MTM1: variants seen among roughly 807,000 people sequenced by gnomAD.
The protein encoded by MTM1 is myotubularin 1.
A neutral mutation model predicts 52.1 loss-of-function variants in MTM1; 9 were observed. The ratio of observed to expected loss-of-function variants is 0.17; its 90% CI spans 0.10 to 0.30. The LOEUF (loss-of-function observed/expected upper bound fraction) is 0.30. Ranked by LOEUF, MTM1 falls within the 10% of genes least tolerant of loss-of-function variation. The pLI is 1.00. For synonymous variants in MTM1, 136 were observed against 163.8 expected (o/e 0.83, Z 1.29); for missense variants, 277 against 470.7 (o/e 0.59, Z 3.81).
At chrX:150,666,882 A>G (rs782436558) in intron 14 of MTM1, among the ~76,000 whole-genome samples, 5 of 111,118 alleles carry the variant, frequency 4.5e-5, no homozygotes, top group Non-Finnish European at 5.7e-5. Flanking sequence ...TGTCCAATCA[A>G]TCTGTCAGGA....
At chrX:150,657,690 G>A (rs928786761) in intron 10 of MTM1, 131 bp from the exon 11 acceptor site, 5 of 592,793 alleles carry the variant, frequency 8.4e-6, no homozygotes, top group African/African-American at 2.2e-5. Context: ...GCAGCTCTTA[G>A]TGTTTCCTTT....
chrX:150,658,061 C>G lies in MTM1; in HGVS notation c.1260+34C>G, dbSNP rs782704543. On this transcript the variant is annotated intron_variant, in intron 11 of 14. Coordinates refer to ENST00000370396, the MANE Select transcript of MTM1 (RefSeq NM_000252.3). ...ACAAAGCTAATTTCTAAAAATAGAT[C>G]ACTACCATTCAGGATTTTAAAACTA... 3.5e-5 allele frequency: 37 copies of G among 1,043,514 alleles called. No homozygotes were observed. In the Admixed American group the frequency reaches 4.9e-4, roughly 14 times the overall value. 86.0% of individuals were successfully genotyped at this position (1,043,514 alleles called of 1,213,427 possible). A position where few individuals can be genotyped will look rare whatever the true frequency, so the allele number is the denominator to read the frequency against.
intron 2 of MTM1, among the ~76,000 whole-genome samples, chrX:150,593,835 C>T (rs781977707): frequency 3.6e-5 from 4 of 110,210 alleles, no homozygotes; most frequent in African/African-American, 1.3e-4. Context: ...AGTGTGATGG[C>T]GTGCGCCCAT....
intron 1 of MTM1, among the ~76,000 whole-genome samples, chrX:150,586,745 C>T (rs782612695): frequency 1.8e-5 from 2 of 109,712 alleles, no homozygotes; most frequent in Admixed American, 2.0e-4. Flanking sequence ...GAAATCCTGT[C>T]GCTACTAAAA....
intron 11 of MTM1, among the ~76,000 whole-genome samples, chrX:150,658,939 C>T (rs1557414566): frequency 8.9e-6 from 1 of 112,329 alleles, no homozygotes; most frequent in African/African-American, 3.2e-5. Flanking sequence ...CTACAACCTC[C>T]ACCTCTTGGG....
At chrX:150,613,411 A>G (rs1000944585) in intron 4 of MTM1, among the ~76,000 whole-genome samples, 3 of 111,189 alleles carry the variant, frequency 2.7e-5, no homozygotes, top group Admixed American at 9.6e-5. Flanking sequence ...AATTATTTTA[A>G]AAACTGTATA....
intron 6 of MTM1, among the ~76,000 whole-genome samples, chrX:150,638,069 T>C (rs1348631502): frequency 2.7e-5 from 3 of 112,473 alleles, no homozygotes; most frequent in Admixed American, 9.4e-5. Flanking sequence ...TGATGGTGGC[T>C]TGGACCTGGG....
intron 1 of MTM1, among the ~76,000 whole-genome samples, chrX:150,576,904 A>G (rs1381659081): frequency 8.9e-6 from 1 of 112,167 alleles, no homozygotes; most frequent in African/African-American, 3.2e-5. Context: ...ATTTTCTATT[A>G]TGATTATTTC....
chrX:150,603,522 G>A (rs782075829), intron 4 of MTM1, among the ~76,000 whole-genome samples: 19 of 111,516 alleles, frequency 1.7e-4, no homozygotes, highest in African/African-American at 5.9e-4. Context: ...GAAAAGAGGG[G>A]ACAGCCATGA....
At position 150,590,008 on chromosome X, in the gene MTM1, C is replaced by T. The variant is rs181029502; in HGVS notation, c.-10-2597C>T. 9.5e-4 allele frequency among the ~76,000 whole-genome samples: 106 copies of T among 111,540 alleles called. 1 individual carries two copies. Among genetic ancestry groups the T allele is most frequent in the Middle Eastern group, 4.6e-3 (1 of 216 alleles). ...TGAATGTATTAATTCATTTGTTTCA[C>T]CTAATAATGTTGATGTAAAATGGGG... On this transcript the variant is annotated intron_variant, in intron 1 of 14. Transcript: ENST00000370396.
intron 1 of MTM1, among the ~76,000 whole-genome samples, chrX:150,583,050 T>C (rs1200634281): frequency 3.3e-5 from 3 of 90,181 alleles, no homozygotes; most frequent in African/African-American, 1.2e-4. Flanking sequence ...ATATAATTTA[T>C]ATAATTTATA....
chrX:150,630,237 G>A (rs782534976), intron 6 of MTM1, among the ~76,000 whole-genome samples: 3 of 111,305 alleles, frequency 2.7e-5, no homozygotes, highest in Non-Finnish European at 5.7e-5. Flanking sequence ...AGATTATAGC[G>A]TGGGCCACCA....
At chrX:150,573,168 C>T (rs931573750) in intron 1 of MTM1, among the ~76,000 whole-genome samples, 4 of 112,358 alleles carry the variant, frequency 3.6e-5, no homozygotes, top group Non-Finnish European at 5.6e-5. Context: ...TCATTGTAAC[C>T]AATTCTGTTG....
chrX:150,650,004 A>G, intron 10 of MTM1, 103 bp downstream of exon 10: 2 of 753,642 alleles, frequency 2.7e-6, no homozygotes, highest in South Asian at 5.5e-5. Flanking sequence ...ACATTGAGAG[A>G]TAAACTTTGT....
At chrX:150,563,150 G>A in the MTM1 span, among the ~76,000 whole-genome samples, 1 of 109,230 alleles carries the variant, frequency 9.2e-6, no homozygotes, top group African/African-American at 3.3e-5. Context: ...TATTTTCACG[G>A]CAAGCATCAC....
intron 1 of MTM1, among the ~76,000 whole-genome samples, chrX:150,589,071 G>T (rs12395442): frequency 8.9e-5 from 10 of 111,901 alleles, no homozygotes; most frequent in African/African-American, 2.0e-4. Flanking sequence ...GGCCCCAAAG[G>T]TTGGTTGGCT....
chrX:150,566,081 G>T (rs782342457), upstream of MTM1, among the ~76,000 whole-genome samples: 4 of 109,996 alleles, frequency 3.6e-5, no homozygotes, highest in East Asian at 1.1e-3. Flanking sequence ...GCTCAGTCAA[G>T]AATACAGCGA....
intron 6 of MTM1, among the ~76,000 whole-genome samples, chrX:150,631,568 C>T (rs1557413570): frequency 2.0e-5 from 2 of 101,057 alleles, no homozygotes; most frequent in African/African-American, 7.3e-5. Context: ...GAGGCTGAGG[C>T]ACGAGAATTG....
upstream of MTM1, among the ~76,000 whole-genome samples, chrX:150,565,952 G>T (rs2038256393): frequency 9.3e-6 from 1 of 107,932 alleles, no homozygotes; most frequent in African/African-American, 3.4e-5. Context: ...GCATGATGGG[G>T]GGGTGTATGT....
Sources: gnomAD v4.1 joint callset for allele counts (sites outside exome capture counted in the v4.1 genomes callset) on GRCh38, gnomAD v4.1.1 for gene constraint, MANE v1.5 for transcripts, NCBI Gene and HGNC (gene_info 2026-07-23, HGNC 2026-07-21) for gene names.